Variants in DAB1 observed in about 807,000 individuals in gnomAD.
DAB1 encodes disabled homolog 1.
In DAB1, 15 loss-of-function variants were observed where a neutral mutation model predicts 64.6. That is an observed-to-expected ratio of 0.23 (90% CI 0.16 to 0.36). The LOEUF is 0.36. Ranked by LOEUF, DAB1 falls within the 10% of genes least tolerant of loss-of-function variation. The pLI is 1.00. For missense variants in DAB1, 596 were observed against 706.7 expected, an observed-to-expected ratio of 0.84 and a Z score of 1.78; for synonymous variants, 235 against 251.9, an observed-to-expected ratio of 0.93 and a Z score of 0.64.
chr1:57,892,543 C>G (rs1214815113), intron 5 of DAB1, among the ~76,000 whole-genome samples: 1 of 152,192 alleles, frequency 6.6e-6, no homozygotes, highest in African/African-American at 2.4e-5. Flanking sequence ...TATCCAGGTT[C>G]ACTCAGCTGG....
At chr1:57,269,284 A>G (rs1466433265) in intron 2 of DAB1, among the ~76,000 whole-genome samples, 1 of 152,122 alleles carries the variant, frequency 6.6e-6, no homozygotes, top group Non-Finnish European at 1.5e-5. Flanking sequence ...CCATGCAGGG[A>G]TGGAGGGTGA....
intron 5 of DAB1, among the ~76,000 whole-genome samples, chr1:57,913,651 A>C (rs1644681642): frequency 6.6e-6 from 1 of 152,260 alleles, no homozygotes; most frequent in South Asian, 2.1e-4. Flanking sequence ...ATCAGAGTGA[A>C]CAGGCAACCT....
intron 2 of DAB1, among the ~76,000 whole-genome samples, chr1:57,202,210 C>G (rs564639356): frequency 6.6e-6 from 1 of 152,228 alleles, no homozygotes; most frequent in African/African-American, 2.4e-5. Context: ...TTTTAAAAAG[C>G]CTTGGCAATT....
intron 5 of DAB1, among the ~76,000 whole-genome samples, chr1:58,070,829 G>A (rs1023569643): frequency 6.6e-6 from 1 of 152,198 alleles, no homozygotes; most frequent in African/African-American, 2.4e-5. Flanking sequence ...TGTGTGACCG[G>A]ATGAATGGAG....
intron 3 of DAB1, among the ~76,000 whole-genome samples, chr1:58,360,249 G>A (rs1407046483): frequency 6.6e-6 from 1 of 152,168 alleles, no homozygotes; most frequent in Non-Finnish European, 1.5e-5. Flanking sequence ...GCTGCAAGGA[G>A]GAGGCATTTA....
At chr1:57,300,790 G>C (rs563042846) in intron 1 of DAB1, among the ~76,000 whole-genome samples, 5 of 152,106 alleles carry the variant, frequency 3.3e-5, no homozygotes, top group Non-Finnish European at 7.3e-5. Context: ...ATAAATAAAA[G>C]TTTATTCATT....
chr1:57,876,252 G>C (rs1644043872), intron 1 of DAB1: 1 of 152,190 alleles, frequency 6.6e-6, no homozygotes, highest in South Asian at 2.1e-4. Flanking sequence ...CATCTGGATA[G>C]TACCTTCTTA....
rs143113967 is a variant in DAB1, at chr1:57,542,725, T to G, written n.625+106867A>C. On this transcript the variant is annotated intron_variant and non_coding_transcript_variant, in intron 7 of 20. Coordinates refer to the DAB1 transcript ENST00000485760. ...AGGGTAAATATTCCTGTTCACAGTA[T>G]TCAGCCTCCAAGATGGCCCAAATGA... Among the ~76,000 whole-genome samples, 826 of 152,210 alleles carry G rather than the reference T, an allele frequency of 5.4e-3. 10 individuals are homozygous for G. Among genetic ancestry groups the G allele is most frequent in the African/African-American group, 0.019 (790 of 41,516 alleles).
At chr1:58,330,972 T>G (rs1265458099) in intron 4 of DAB1, among the ~76,000 whole-genome samples, 5 of 152,224 alleles carry the variant, frequency 3.3e-5, no homozygotes, top group African/African-American at 1.2e-4. Flanking sequence ...CAAGTCTTAT[T>G]ATTTAAGAAA....
In DAB1 at chr1:57,359,509, C is replaced by T. The variant is rs369524909; in HGVS notation, c.-137+64421G>A. 6.6e-5 allele frequency among the ~76,000 whole-genome samples: 10 copies of T among 152,092 alleles called. No homozygotes were observed. In the East Asian group the frequency reaches 1.9e-3, roughly 29 times the overall value. On this transcript the variant is annotated intron_variant, in intron 1 of 14. Coordinates refer to ENST00000371236, the MANE Select transcript of DAB1 (RefSeq NM_001365792.1). The stretch of plus-strand genomic sequence containing the variant: ...GTGATGGAAATGTAGATTAGTACAG[C>T]CATTGTGGAAAACAGTATGGGGGTT...
At chr1:57,736,070 A>T (rs1647677487) in intron 6 of DAB1, among the ~76,000 whole-genome samples, 2 of 152,224 alleles carry the variant, frequency 1.3e-5, no homozygotes. Context: ...ACATTTTCAT[A>T]GTTGGCTATC....
chr1:57,044,399 G>A (rs1648196121), intron 9 of DAB1, among the ~76,000 whole-genome samples: 4 of 152,172 alleles, frequency 2.6e-5, no homozygotes, highest in Admixed American at 2.6e-4. Flanking sequence ...ACCAGAGACT[G>A]GTTCTAGGAG....
At chr1:57,517,544 T>C (rs1434205855) in intron 7 of DAB1, among the ~76,000 whole-genome samples, 2 of 152,194 alleles carry the variant, frequency 1.3e-5, no homozygotes, top group African/African-American at 2.4e-5. Context: ...GCCAAAGTTG[T>C]TTCATTAATT....
intron 4 of DAB1, among the ~76,000 whole-genome samples, chr1:58,157,321 T>G (rs1049227309): frequency 6.6e-6 from 1 of 152,180 alleles, no homozygotes; most frequent in Non-Finnish European, 1.5e-5. Context: ...TTCCTGCCCC[T>G]GGTGTGTGCC....
intron 2 of DAB1, among the ~76,000 whole-genome samples, chr1:57,198,645 T>TCACACA (rs1398820873): frequency 1.7e-5 from 2 of 118,490 alleles, no homozygotes; most frequent in African/African-American, 6.7e-5. Context: ...GCATCTTCTC[T>TCACACA]CTCTCACACA....
At chr1:57,681,259 T>TGAGG (rs1646633486) in intron 6 of DAB1, among the ~76,000 whole-genome samples, 1 of 152,208 alleles carries the variant, frequency 6.6e-6, no homozygotes, top group African/African-American at 2.4e-5. Flanking sequence ...TTGCATCTCT[T>TGAGG]GGTCTTCAGA....
chr1:57,386,222 C>A (rs775402472), intron 1 of DAB1, among the ~76,000 whole-genome samples: 5 of 152,066 alleles, frequency 3.3e-5, no homozygotes, highest in Non-Finnish European at 7.4e-5. Context: ...AGGGACTGTT[C>A]TAGACCCTGG....
intron 2 of DAB1, among the ~76,000 whole-genome samples, chr1:58,511,864 T>C (rs1355650361): frequency 6.6e-6 from 1 of 152,122 alleles, no homozygotes. Flanking sequence ...GTCTTGGCAA[T>C]GATTTTGTGA....
intron 7 of DAB1, among the ~76,000 whole-genome samples, chr1:57,598,693 C>G (rs576030130): frequency 2.0e-5 from 3 of 152,302 alleles, no homozygotes; most frequent in Middle Eastern, 3.4e-3. Context: ...AGACAACTTA[C>G]TAGCCTGAGC....
Sources: gnomAD v4.1 joint callset for allele counts (sites outside exome capture counted in the v4.1 genomes callset) on GRCh38, gnomAD v4.1.1 for gene constraint, MANE v1.5 for transcripts, NCBI Gene and HGNC (gene_info 2026-07-23, HGNC 2026-07-21) for gene names.